EIF2AK1: variants seen among roughly 807,000 people sequenced by gnomAD.
EIF2AK1 encodes the protein eukaryotic translation initiation factor 2-alpha kinase 1.
EIF2AK1 carries 54 observed loss-of-function variants against 77.9 expected under a neutral mutation model. That is an observed-to-expected ratio of 0.69 (90% CI 0.56 to 0.87). The LOEUF (loss-of-function observed/expected upper bound fraction) is 0.87. Ranked by LOEUF, EIF2AK1 falls within the 40% of genes least tolerant of loss-of-function variation. The pLI is 0.00. For missense variants in EIF2AK1, 810 were observed against 768.6 expected, an observed-to-expected ratio of 1.05 and a Z score of -0.64; for synonymous variants, 314 against 290.5, an observed-to-expected ratio of 1.08 and a Z score of -0.82.
At chr7:6,042,623 T>C (rs1297290092) in intron 8 of EIF2AK1, among the ~76,000 whole-genome samples, 2 of 151,918 alleles carry the variant, frequency 1.3e-5, no homozygotes, top group Admixed American at 6.6e-5. Context: ...TCCCAGCACT[T>C]TGGGAGGCCG....
chr7:6,054,354 C>T (rs927999934), intron 2 of EIF2AK1, among the ~76,000 whole-genome samples, 192 bp downstream of exon 2: 9 of 152,094 alleles, frequency 5.9e-5, no homozygotes, highest in African/African-American at 2.2e-4. Flanking sequence ...CAGGTGCCTG[C>T]CACAACACCC....
chr7:6,046,084 GT>G lies in EIF2AK1; in HGVS notation c.616del (p.Thr206GlnfsTer4). 1 of 1,553,830 alleles carries G rather than the reference GT, an allele frequency of 6.4e-7. No homozygotes were observed. Among genetic ancestry groups the G allele is most frequent in the South Asian group, 1.2e-5 (1 of 83,792 alleles). ...KKILIKGATK[T>X]VCMKVLREVK... is the part of the protein sequence containing the mutation. ...TAAAAATCATACCTTCATGCAAACT[GT>G]TTTAGTTGCACCCTTAATCAGGATT... On this transcript the variant is annotated frameshift_variant, in exon 6 of 15. Transcript: ENST00000199389. LOFTEE classifies it high-confidence loss of function.
intron 13 of EIF2AK1, 31 bp downstream of exon 13, chr7:6,028,584 G>T: frequency 6.2e-7 from 1 of 1,602,844 alleles, no homozygotes; most frequent in South Asian, 1.1e-5. Flanking sequence ...AGAATAAGTT[G>T]AATGAAAGGG....
chr7:6,041,704 G>A (rs762878280), intron 8 of EIF2AK1, among the ~76,000 whole-genome samples: 21 of 152,052 alleles, frequency 1.4e-4, no homozygotes, highest in Non-Finnish European at 2.6e-4. Context: ...GGCCGGGTGT[G>A]GTGGCATGCG....
rs1172237525 is a variant in EIF2AK1 at position 6,033,949 on chromosome 7, T to C, written c.1332+3475A>G. On this transcript the variant is annotated intron_variant, in intron 11 of 14. Transcript: ENST00000199389. The surrounding 1 kb of genome is among the most constrained non-coding windows in gnomAD (Gnocchi z 4.4). ...GAAGTTGACCTTGTGCACCACTGTATCTCCAGCACCTCAACCAAATCAATG... is the reference window on the plus strand; with the variant it reads ...GAAGTTGACCTTGTGCACCACTGTACCTCCAGCACCTCAACCAAATCAATG... Among the ~76,000 whole-genome samples, 2 of 151,996 alleles carry C rather than the reference T, an allele frequency of 1.3e-5. No homozygotes were observed. Among genetic ancestry groups the C allele is most frequent in the African/African-American group, 4.8e-5 (2 of 41,382 alleles).
At chr7:6,056,595 A>G (rs1788769735) in intron 1 of EIF2AK1, among the ~76,000 whole-genome samples, 1 of 61,408 alleles carries the variant, frequency 1.6e-5, no homozygotes, top group South Asian at 4.7e-4. Context: ...CTCCATCTCA[A>G]GGGAAAAAAA....
intron 14 of EIF2AK1, among the ~76,000 whole-genome samples, chr7:6,025,308 A>G (rs1787709699): frequency 6.6e-6 from 1 of 152,154 alleles, no homozygotes; most frequent in Non-Finnish European, 1.5e-5. Context: ...GTGGCTGGGC[A>G]TGGTAGCTCA....
At chr7:6,028,583 T>A in intron 13 of EIF2AK1, 32 bp downstream of exon 13, 1 of 1,604,486 alleles carries the variant, frequency 6.2e-7, no homozygotes, top group Non-Finnish European at 8.5e-7. Context: ...CAGAATAAGT[T>A]GAATGAAAGG....
intron 2 of EIF2AK1, among the ~76,000 whole-genome samples, chr7:6,051,009 C>T (rs1788594582): frequency 6.6e-6 from 1 of 152,146 alleles, no homozygotes; most frequent in Non-Finnish European, 1.5e-5. Flanking sequence ...AGTAAACAAA[C>T]TCTTCTGACA....
intron 2 of EIF2AK1, among the ~76,000 whole-genome samples, chr7:6,052,576 T>G (rs1788636031): frequency 7.5e-6 from 1 of 133,820 alleles, no homozygotes; most frequent in Admixed American, 7.8e-5. Context: ...AGTTTGAGAC[T>G]GTTTTGGTAA....
chr7:6,026,522 T>A (rs1445350088), intron 14 of EIF2AK1: 1 of 698,070 alleles, frequency 1.4e-6, no homozygotes, highest in Admixed American at 2.0e-5. Flanking sequence ...AGGCCACAGC[T>A]GCTACCCCAA....
At chr7:6,043,511 C>G (rs10224954) in intron 7 of EIF2AK1, among the ~76,000 whole-genome samples, 30,680 of 151,964 alleles carry the variant, frequency 0.2, 3,980 homozygotes, top group African/African-American at 0.37. Flanking sequence ...TCACTGCAAC[C>G]TCCACCTCCC....
chr7:6,028,963 C>G lies in EIF2AK1; in HGVS notation c.1402G>C (p.Asp468His). The change falls in exon 12 of 15, where the codon GAC (aspartate) becomes CAC (histidine). Residue 468 changes from aspartate (D) to histidine (H), a missense_variant. Transcript: ENST00000199389. ...CAGTCTGTGTTCTTCTGTAGGATGT[C>G]TGTGCAGGCCAGACCAAAGTCTCCT... Reference protein sequence around the residue: ...KIGDFGLACTDILQKNTDWTN... With the variant: ...KIGDFGLACTHILQKNTDWTN... 3 of 1,610,980 alleles carry G rather than the reference C, an allele frequency of 1.9e-6. No individual in the cohort carries two copies. Among genetic ancestry groups the G allele is most frequent in the Non-Finnish European group, 2.5e-6 (3 of 1,179,406 alleles).
intron 2 of EIF2AK1, among the ~76,000 whole-genome samples, chr7:6,053,283 A>C (rs950052427): frequency 1.3e-5 from 2 of 152,176 alleles, no homozygotes; most frequent in African/African-American, 4.8e-5. Flanking sequence ...TGTAATAATC[A>C]CATCAGGATA....
intron 1 of EIF2AK1, among the ~76,000 whole-genome samples, chr7:6,057,830 A>G (rs1387444278): frequency 2.6e-5 from 4 of 152,066 alleles, no homozygotes; most frequent in African/African-American, 7.2e-5. Context: ...GGGTTTCACC[A>G]TGATGACCAG....
At chr7:6,030,276 G>A (rs116531359) in intron 11 of EIF2AK1, among the ~76,000 whole-genome samples, 69 of 152,264 alleles carry the variant, frequency 4.5e-4, no homozygotes, top group African/African-American at 1.6e-3. Flanking sequence ...CTTAGGCGAC[G>A]TCCGGGAAGA....
In EIF2AK1 at chr7:6,035,890, TC is replaced by T. The variant is rs1407622842; in HGVS notation, c.1332+1533del. On this transcript the variant is annotated intron_variant, in intron 11 of 14. Coordinates refer to ENST00000199389, the MANE Select transcript of EIF2AK1 (RefSeq NM_014413.4). This position sits in a 1 kb window ranked among gnomAD's most constrained non-coding sequence, Gnocchi z 5.5. ...GCATCAAGCAAAGCAGGCCGACTCC[TC>T]GGGGCGGGGGTCAGCTGCATCCGTC... The T allele has an allele frequency of 6.5e-7, 1 of 1,546,686 alleles. No homozygotes were observed. Among genetic ancestry groups the T allele is most frequent in the East Asian group, 2.4e-5 (1 of 40,840 alleles).
rs1040044797 is a variant in EIF2AK1 at position 6,022,452 on chromosome 7, T to C, written c.*2221A>G. ...GTCAGTGTCCCTAACCCCCCCACTG[T>C]TCAAGGGTTAGCTGTACTATATGAT... On this transcript the variant is annotated 3_prime_UTR_variant, in exon 15 of 15. Coordinates refer to ENST00000199389, the MANE Select transcript of EIF2AK1 (RefSeq NM_014413.4). 6 of 152,122 alleles carry C rather than the reference T, an allele frequency of 3.9e-5. No individual in the cohort carries two copies. The highest frequency in any genetic ancestry group is 1.4e-4 in the African/African-American group (6 of 41,418). The allele number at this position is 152,122 out of a possible 1,614,324, so 9.4% of individuals were successfully genotyped here. A position where few individuals can be genotyped will look rare whatever the true frequency, so the allele number is the denominator to read the frequency against.
chr7:6,031,900 G>A lies in EIF2AK1; in HGVS notation c.1333-2868C>T, dbSNP rs566184575. Among the ~76,000 whole-genome samples, 4 of 152,206 alleles carry A rather than the reference G, an allele frequency of 2.6e-5. No individual in the cohort carries two copies. The East Asian group carries it at 5.8e-4, about 22-fold the overall frequency. ...TAGTTTTTCCCTTTTTTGGCCAGACGCAGTAGCTCATGCCTGTAATCCCAG... is the reference window on the plus strand; with the variant it reads ...TAGTTTTTCCCTTTTTTGGCCAGACACAGTAGCTCATGCCTGTAATCCCAG... On this transcript the variant is annotated intron_variant, in intron 11 of 14. Coordinates refer to ENST00000199389, the MANE Select transcript of EIF2AK1 (RefSeq NM_014413.4).
Sources: allele counts gnomAD v4.1 joint callset (sites outside exome capture counted in the v4.1 genomes callset), GRCh38; gene constraint gnomAD v4.1.1; non-coding constraint Gnocchi (gnomAD v3.1); transcripts MANE v1.5; gene names NCBI Gene and HGNC (gene_info 2026-07-23, HGNC 2026-07-21).